The following SIPA1L1 variants were observed in gnomAD, a reference collection of about 807,000 sequenced individuals.
SIPA1L1 encodes the protein signal induced proliferation associated 1 like 1, also known as signal-induced proliferation-associated 1-like protein 1.
A neutral mutation model predicts 162.7 loss-of-function variants in SIPA1L1; 26 were observed. The ratio of observed to expected loss-of-function variants is 0.16; its 90% CI spans 0.12 to 0.22. The LOEUF (loss-of-function observed/expected upper bound fraction) is 0.22. SIPA1L1 is among the 10% of genes least tolerant of loss of function. The pLI, the probability that SIPA1L1 is intolerant of heterozygous loss-of-function variation, is 1.00. For synonymous variants in SIPA1L1, 829 were observed against 837.4 expected, an observed-to-expected ratio of 0.99 and a Z score of 0.17; for missense variants, 1,874 against 2,241.0, an observed-to-expected ratio of 0.84 and a Z score of 3.31.
Position 71,377,551 on chromosome 14 carries a change from C to G in SIPA1L1, c.-465+56370C>G, listed in dbSNP as rs944837853. On this transcript the variant is annotated intron_variant, in intron 2 of 23. Coordinates refer to ENST00000381232, the MANE Select transcript of SIPA1L1 (RefSeq NM_001386936.1). The surrounding 1 kb of genome is among the most constrained non-coding windows in gnomAD (Gnocchi z 4.8). Reference sequence around the variant, plus strand: ...CAGACCATGGGCAGCCAGGCAGAGACGCTCCTCACTTCCTACACGGGGTGG... The same window carrying G: ...CAGACCATGGGCAGCCAGGCAGAGAGGCTCCTCACTTCCTACACGGGGTGG... 2.6e-5 allele frequency among the ~76,000 whole-genome samples: 4 copies of G among 152,006 alleles called. No individual in the cohort carries two copies. The highest frequency in any genetic ancestry group is 2.1e-4 in the South Asian group (1 of 4,826).
intron 2 of SIPA1L1, among the ~76,000 whole-genome samples, chr14:71,483,950 G>A (rs1327546672): frequency 1.3e-5 from 2 of 152,152 alleles, no homozygotes; most frequent in Non-Finnish European, 2.9e-5. Flanking sequence ...GCACTCCGTA[G>A]CACCCTGTGT....
chr14:71,687,948 A>G (rs2080989826), intron 13 of SIPA1L1, among the ~76,000 whole-genome samples: 1 of 152,172 alleles, frequency 6.6e-6, no homozygotes, highest in Non-Finnish European at 1.5e-5. Context: ...CTAGACTAGG[A>G]TTTCAGATCT....
intron 4 of SIPA1L1, among the ~76,000 whole-genome samples, chr14:71,540,617 G>A (rs938780920): frequency 1.3e-5 from 2 of 152,204 alleles, no homozygotes; most frequent in African/African-American, 4.8e-5. Flanking sequence ...TGGAAGTGAT[G>A]TCTTTGCTGA....
intron 4 of SIPA1L1, among the ~76,000 whole-genome samples, chr14:71,553,151 A>T (rs1163960413): frequency 1.3e-5 from 2 of 152,240 alleles, no homozygotes; most frequent in Non-Finnish European, 1.5e-5. Context: ...AATAATTTTT[A>T]AAAAATCAGA....
At chr14:71,647,749 A>T (rs1483684261) in intron 7 of SIPA1L1, among the ~76,000 whole-genome samples, 2 of 152,192 alleles carry the variant, frequency 1.3e-5, no homozygotes, top group Admixed American at 6.5e-5. Flanking sequence ...TTGAGACCTA[A>T]TAGGGTACTT....
At chr14:71,477,363 A>AAAAAC (rs951970750) in intron 2 of SIPA1L1, among the ~76,000 whole-genome samples, 9 of 152,160 alleles carry the variant, frequency 5.9e-5, no homozygotes, top group South Asian at 2.1e-4. Context: ...TCTGTAAGAA[A>AAAAAC]AAAACAAAAC....
intron 2 of SIPA1L1, among the ~76,000 whole-genome samples, chr14:71,445,582 A>C (rs1485607046): frequency 6.6e-6 from 1 of 152,200 alleles, no homozygotes; most frequent in Non-Finnish European, 1.5e-5. Context: ...GGTTCACTTA[A>C]GTGCATATGT....
At chr14:71,431,555 A>G (rs932873303) in intron 2 of SIPA1L1, among the ~76,000 whole-genome samples, 1 of 151,768 alleles carries the variant, frequency 6.6e-6, no homozygotes, top group African/African-American at 2.4e-5. Flanking sequence ...TTAGCTAGGT[A>G]TGGTGGAGCA....
At chr14:71,616,035 C>G (rs775219222) in intron 5 of SIPA1L1, among the ~76,000 whole-genome samples, 12 of 152,028 alleles carry the variant, frequency 7.9e-5, no homozygotes, top group Admixed American at 3.9e-4. Flanking sequence ...AAAAAAAGGT[C>G]TCAGGCTTAG....
At chr14:71,382,858 G>A (rs1160490795) in intron 2 of SIPA1L1, among the ~76,000 whole-genome samples, 1 of 152,096 alleles carries the variant, frequency 6.6e-6, no homozygotes, top group African/African-American at 2.4e-5. Flanking sequence ...TAGCCTTGTC[G>A]AGGAAATCAG....
Position 71,589,031 on chromosome 14 carries a change from G to A in SIPA1L1, c.1159G>A (p.Gly387Ser), listed in dbSNP as rs370696452. The A allele has an allele frequency of 3.7e-5, 60 of 1,613,944 alleles. No homozygotes were observed. Among genetic ancestry groups the A allele is most frequent in the Non-Finnish European group, 5.1e-5 (60 of 1,179,980 alleles). ...TTCAGCCAGTTTTAGCTCCCCAATG[G>A]GCAGCACAGAGGACCTGAATTCCAA... ...SHSASFSSPM[G>S]STEDLNSKGS... Residue 387 changes from glycine to serine, a missense_variant, in exon 5 of 24, where the codon GGC (glycine) becomes AGC (serine). By Grantham distance (56) the Gly-to-Ser change is moderately conservative. Coordinates refer to ENST00000381232, the MANE Select transcript of SIPA1L1 (RefSeq NM_001386936.1).
intron 2 of SIPA1L1, among the ~76,000 whole-genome samples, chr14:71,362,618 G>A (rs945569401): frequency 3.3e-5 from 5 of 152,174 alleles, no homozygotes; most frequent in African/African-American, 9.7e-5. Context: ...ATTTTTATCT[G>A]CATTGTACAT....
rs151045224 is a variant in SIPA1L1 at position 71,425,783 on chromosome 14, T to G, written c.-464-86960T>G. Reference sequence around the variant, plus strand: ...CCAGTCCAGTTGTTCCATCCATTATTGAGAATGGGGTATTGATGTCTCCAA... The same window carrying G: ...CCAGTCCAGTTGTTCCATCCATTATGGAGAATGGGGTATTGATGTCTCCAA... On this transcript the variant is annotated intron_variant, in intron 2 of 23. Transcript: ENST00000381232. Among the ~76,000 whole-genome samples the G allele has an allele frequency of 5.9e-5, 9 of 152,310 alleles. No homozygotes were observed. The East Asian group carries it at 1.7e-3, about 29-fold the overall frequency.
rs144069197 is a variant in SIPA1L1 at position 71,456,723 on chromosome 14, T to C, written c.-464-56020T>C. Among the ~76,000 whole-genome samples the C allele has an allele frequency of 2.2e-3, 329 of 152,356 alleles. 1 individual carries two copies. Among genetic ancestry groups the C allele is most frequent in the African/African-American group, 7.5e-3 (311 of 41,584 alleles). ...TAAAAAGCTTTTACATTTTTAAGTT[T>C]TTAATTTTTCAGTCTTTACTCACTC... On this transcript the variant is annotated intron_variant, in intron 2 of 23. Transcript: ENST00000381232.
Position 71,671,556 on chromosome 14 carries a change from A to C in SIPA1L1, c.2693A>C (p.Asn898Thr). 1.2e-6 allele frequency: 2 copies of C among 1,614,180 alleles called. No homozygotes were observed. Among genetic ancestry groups the C allele is most frequent in the Non-Finnish European group, 1.7e-6 (2 of 1,180,040 alleles). ...CAGGAAACAAAGAGCGTGGTCTTCA[A>C]TTGTTCCTGTAGAGATGTGATAGGG... is the stretch of plus-strand genomic sequence containing the variant. ...IEQETKSVVF[N>T]CSCRDVIGWT... The change falls in exon 11 of 24, where the codon AAT becomes ACT. Residue 898 changes from asparagine to threonine, a missense_variant. Asn to Thr is a moderately conservative substitution (Grantham distance 65, BLOSUM62 0). Coordinates refer to ENST00000381232, the MANE Select transcript of SIPA1L1 (RefSeq NM_001386936.1).
intron 2 of SIPA1L1, among the ~76,000 whole-genome samples, chr14:71,354,510 C>T (rs2037047437): frequency 6.6e-6 from 1 of 151,732 alleles, no homozygotes; most frequent in Non-Finnish European, 1.5e-5. Flanking sequence ...TTCCTAACCT[C>T]AAGCAATCTG....
intron 2 of SIPA1L1, among the ~76,000 whole-genome samples, chr14:71,454,676 G>A (rs1262817939): frequency 6.6e-6 from 1 of 152,102 alleles, no homozygotes; most frequent in Non-Finnish European, 1.5e-5. Context: ...TGCAAAGGCA[G>A]TATAGAGTTT....
At chr14:71,717,331 T>G (rs1306744465) in intron 17 of SIPA1L1, among the ~76,000 whole-genome samples, 2 of 152,234 alleles carry the variant, frequency 1.3e-5, no homozygotes, top group African/African-American at 4.8e-5. Context: ...ATAGAAAAAT[T>G]AAAGTTAGTA....
At position 71,552,089 on chromosome 14, in the gene SIPA1L1, C is replaced by T. The variant is rs181444108; in HGVS notation, c.-303+22719C>T. 9.6e-3 allele frequency among the ~76,000 whole-genome samples: 1,469 copies of T among 152,270 alleles called. 13 individuals carry two copies. Among genetic ancestry groups the T allele is most frequent in the Admixed American group, 0.013 (197 of 15,296 alleles). On this transcript the variant is annotated intron_variant, in intron 4 of 23. Coordinates refer to ENST00000381232, the MANE Select transcript of SIPA1L1 (RefSeq NM_001386936.1). ...ACTGTAAGCCCCTCAAGAGTGATGGCTTTGATTGCTGTACCCGCCATCCTT... is the reference window on the plus strand; with the variant it reads ...ACTGTAAGCCCCTCAAGAGTGATGGTTTTGATTGCTGTACCCGCCATCCTT...
Sources: gnomAD v4.1 joint callset for allele counts (sites outside exome capture counted in the v4.1 genomes callset) on GRCh38, gnomAD v4.1.1 for gene constraint, Gnocchi (gnomAD v3.1) non-coding constraint, MANE v1.5 for transcripts, NCBI Gene and HGNC (gene_info 2026-07-23, HGNC 2026-07-21) for gene names.